The following THADA variants were observed in gnomAD, a reference collection of about 807,000 sequenced individuals.
THADA encodes THADA armadillo repeat containing, also known as tRNA (32-2'-O)-methyltransferase regulator THADA.
In THADA, 213 loss-of-function variants were observed where a neutral mutation model predicts 219.8. The observed-to-expected ratio is 0.97, with a 90% CI of 0.87 to 1.09. The LOEUF is 1.09. Among genes scored for constraint, THADA ranks in the 50% least tolerant of loss-of-function variants. THADA has a pLI of 0.00. For synonymous variants in THADA, 1,018 were observed against 828.9 expected, an observed-to-expected ratio of 1.23 and a Z score of -3.92; for missense variants, 2,956 against 2,311.3, an observed-to-expected ratio of 1.28 and a Z score of -5.72.
At chr2:43,524,945 C>T (rs561798366) in intron 22 of THADA, among the ~76,000 whole-genome samples, 80 of 152,238 alleles carry the variant, frequency 5.3e-4, no homozygotes, top group Non-Finnish European at 8.8e-4. Flanking sequence ...TCCTTTCATG[C>T]TCTCCACCAA....
At chr2:43,515,325 TAA>T (rs1356967469) in intron 22 of THADA, among the ~76,000 whole-genome samples, 1 of 55,964 alleles carries the variant, frequency 1.8e-5, no homozygotes, top group Non-Finnish European at 2.9e-5. Context: ...ATTTTATATA[TAA>T]TATATAATAT....
At chr2:43,581,126 A>G (rs183229931) in intron 8 of THADA, among the ~76,000 whole-genome samples, 3 of 152,302 alleles carry the variant, frequency 2.0e-5, no homozygotes, top group African/African-American at 7.2e-5. Flanking sequence ...TAATCTTATT[A>G]TAATAATAAA....
intron 30 of THADA, among the ~76,000 whole-genome samples, chr2:43,339,753 C>T (rs1408298033): frequency 6.6e-6 from 1 of 152,040 alleles, no homozygotes; most frequent in Admixed American, 6.6e-5. Flanking sequence ...AACTCTTAGC[C>T]AAAGTAAATA....
intron 26 of THADA, among the ~76,000 whole-genome samples, chr2:43,478,142 T>C (rs1409168021): frequency 2.0e-5 from 3 of 152,192 alleles, no homozygotes; most frequent in Non-Finnish European, 4.4e-5. Context: ...TAAACTACTT[T>C]TGTATATACC....
Position 43,535,038 on chromosome 2 carries a change from C to A in THADA, c.3264+6121G>T, listed in dbSNP as rs1010574679. 5.3e-5 allele frequency among the ~76,000 whole-genome samples: 8 copies of A among 152,136 alleles called. No individual in the cohort carries two copies. In the East Asian group the frequency reaches 1.4e-3, roughly 26 times the overall value. ...TTTTTGTCTTTTTGGGAACAGCCAT[C>A]CTAACTGGAATGAAATGATATCTCA... is the stretch of plus-strand genomic sequence containing the variant. On this transcript the variant is annotated intron_variant, in intron 21 of 37. Transcript: ENST00000405975.
intron 31 of THADA, among the ~76,000 whole-genome samples, chr2:43,309,222 A>G (rs745661912): frequency 2.0e-5 from 3 of 152,258 alleles, no homozygotes; most frequent in Non-Finnish European, 4.4e-5. Context: ...GATGCTCAAC[A>G]TTATCAGCCA....
chr2:43,462,687 T>C (rs1387472129), intron 26 of THADA, among the ~76,000 whole-genome samples: 1 of 152,162 alleles, frequency 6.6e-6, no homozygotes, highest in Non-Finnish European at 1.5e-5. Context: ...ATCATTCTCT[T>C]ATACACTGTG....
chr2:43,385,549 G>C (rs927005305), intron 29 of THADA, among the ~76,000 whole-genome samples: 4 of 149,910 alleles, frequency 2.7e-5, no homozygotes, highest in Admixed American at 6.7e-5. Context: ...GGAGCTTGCC[G>C]TGAGCGGAGA....
At chr2:43,377,582 G>A (rs1671525117) in intron 29 of THADA, among the ~76,000 whole-genome samples, 1 of 152,178 alleles carries the variant, frequency 6.6e-6, no homozygotes, top group Non-Finnish European at 1.5e-5. Flanking sequence ...CTACTCACTA[G>A]AAAGCTCCAT....
At chr2:43,309,612 G>C (rs1360634882) in intron 31 of THADA, among the ~76,000 whole-genome samples, 1 of 152,102 alleles carries the variant, frequency 6.6e-6, no homozygotes, top group Admixed American at 6.6e-5. Flanking sequence ...TGTGGTAAAA[G>C]CACTCAACAA....
chr2:43,266,495 C>T (rs1310621718), intron 36 of THADA, among the ~76,000 whole-genome samples: 3 of 152,050 alleles, frequency 2.0e-5, no homozygotes, highest in African/African-American at 4.8e-5. Context: ...TGCAGCTACT[C>T]GGGAGGCTGA....
At chr2:43,368,468 C>G (rs1272659080) in intron 29 of THADA, among the ~76,000 whole-genome samples, 1 of 152,126 alleles carries the variant, frequency 6.6e-6, no homozygotes, top group South Asian at 2.1e-4. Context: ...GTGATCATAG[C>G]TCACTGCAGC....
intron 35 of THADA, among the ~76,000 whole-genome samples, chr2:43,283,987 T>C (rs1673680585): frequency 6.6e-6 from 1 of 152,192 alleles, no homozygotes; most frequent in Non-Finnish European, 1.5e-5. Context: ...AAGACCAGCC[T>C]GGCCAACATG....
intron 26 of THADA, among the ~76,000 whole-genome samples, chr2:43,441,261 A>G (rs1301191685): frequency 6.6e-6 from 1 of 152,170 alleles, no homozygotes; most frequent in African/African-American, 2.4e-5. Flanking sequence ...CTCAACACAG[A>G]AATGTCAACC....
intron 26 of THADA, 101 bp downstream of exon 26, chr2:43,485,133 A>T: frequency 1.2e-6 from 1 of 830,122 alleles, no homozygotes; most frequent in Non-Finnish European, 2.0e-6. Context: ...TTTATGCTCT[A>T]GATGAATCTA....
At chr2:43,335,125 C>T (rs562389964) in intron 30 of THADA, among the ~76,000 whole-genome samples, 49 of 152,302 alleles carry the variant, frequency 3.2e-4, no homozygotes, top group African/African-American at 1.2e-3. Context: ...TGGAGGATCT[C>T]AGGCTCCACC....
chr2:43,497,581 G>A (rs1369214088), intron 25 of THADA, among the ~76,000 whole-genome samples: 2 of 152,136 alleles, frequency 1.3e-5, no homozygotes, highest in Non-Finnish European at 2.9e-5. Flanking sequence ...GCTAATGCAT[G>A]CCGGGCTTAA....
chr2:43,360,741 T>C (rs772424175), intron 29 of THADA, among the ~76,000 whole-genome samples: 17 of 152,190 alleles, frequency 1.1e-4, no homozygotes, highest in Non-Finnish European at 2.1e-4. Flanking sequence ...TTTCACTATA[T>C]TGCTGGAAGG....
intron 24 of THADA, among the ~76,000 whole-genome samples, 177 bp from the exon 25 acceptor site, chr2:43,499,132 AC>A (rs1192223179): frequency 6.6e-6 from 1 of 152,236 alleles, no homozygotes; most frequent in African/African-American, 2.4e-5. Flanking sequence ...AAACCATTTT[AC>A]AAAAAATTAG....
Sources: allele counts gnomAD v4.1 joint callset (sites outside exome capture counted in the v4.1 genomes callset), GRCh38; gene constraint gnomAD v4.1.1; transcripts MANE v1.5; gene names NCBI Gene and HGNC (gene_info 2026-07-23, HGNC 2026-07-21).